TSHR: variants seen among roughly 807,000 people sequenced by gnomAD.
TSHR encodes thyrotropin receptor.
Under a neutral mutation model 64.1 loss-of-function variants are expected in TSHR, and 51 were observed. The ratio of observed to expected loss-of-function variants is 0.80; its 90% CI spans 0.64 to 1.01. TSHR has a LOEUF of 1.01. Ranked by LOEUF, TSHR falls within the 50% of genes least tolerant of loss-of-function variation. TSHR has a pLI of 0.00. For missense variants in TSHR, 877 were observed against 942.8 expected (o/e 0.93, Z 0.91); for synonymous variants, 361 against 361.9 (o/e 1.00, Z 0.03).
chr14:81,138,534 G>T (rs979067245), intron 8 of TSHR, among the ~76,000 whole-genome samples: 5 of 152,118 alleles, frequency 3.3e-5, no homozygotes, highest in African/African-American at 1.2e-4. Flanking sequence ...GAAAATGCTA[G>T]ATTATATATT....
chr14:80,998,329 G>A (rs1444750938), intron 1 of TSHR, among the ~76,000 whole-genome samples: 1 of 152,036 alleles, frequency 6.6e-6, no homozygotes, highest in African/African-American at 2.4e-5. Flanking sequence ...TAACACTGTG[G>A]TAGGTGCTGG....
At chr14:81,088,659 T>A (rs1294616277) in intron 4 of TSHR, among the ~76,000 whole-genome samples, 1 of 152,184 alleles carries the variant, frequency 6.6e-6, no homozygotes, top group African/African-American at 2.4e-5. Flanking sequence ...TCAGGCCCCC[T>A]GGATACCAGG....
chr14:81,104,732 C>T, intron 7 of TSHR: 2 of 985,380 alleles, frequency 2.0e-6, no homozygotes, highest in Non-Finnish European at 2.4e-6. Flanking sequence ...TTCCTGACTG[C>T]ATTGGTCTTC....
At chr14:81,063,391 C>T (rs1886377611) in intron 2 of TSHR, among the ~76,000 whole-genome samples, 1 of 152,264 alleles carries the variant, frequency 6.6e-6, no homozygotes, top group East Asian at 1.9e-4. Flanking sequence ...TTGGGCTGCA[C>T]TATTTCCTAA....
intron 1 of TSHR, among the ~76,000 whole-genome samples, chr14:81,003,994 T>C (rs911411729): frequency 1.3e-5 from 2 of 152,210 alleles, no homozygotes; most frequent in African/African-American, 4.8e-5. Context: ...CTTGACCTTT[T>C]TGCCCATAAC....
At chr14:81,017,401 A>G (rs1407709448) in intron 1 of TSHR, among the ~76,000 whole-genome samples, 1 of 152,174 alleles carries the variant, frequency 6.6e-6, no homozygotes, top group Non-Finnish European at 1.5e-5. Flanking sequence ...CAGTAACTCA[A>G]GGGCACCAGG....
chr14:80,985,933 C>G (rs1566749756), intron 1 of TSHR, among the ~76,000 whole-genome samples: 2 of 152,192 alleles, frequency 1.3e-5, no homozygotes, highest in African/African-American at 4.8e-5. Flanking sequence ...AATTCCAACT[C>G]TTCCTGTCAC....
Position 80,973,880 on chromosome 14 carries a change from T to A in TSHR, c.170+18030T>A, listed in dbSNP as rs1324733902. On this transcript the variant is annotated intron_variant, in intron 1 of 9. Coordinates refer to ENST00000298171, the MANE Select transcript of TSHR (RefSeq NM_000369.5). ...TCTTCACCTTATGTTTACCAGAGCT[T>A]ACTTCTCAGTTATTTTTCCCCAACC... Among the ~76,000 whole-genome samples, 3 of 152,170 alleles carry A rather than the reference T, an allele frequency of 2.0e-5. No homozygotes were observed. The South Asian group carries it at 6.2e-4, about 32-fold the overall frequency.
chr14:81,083,499 A>G (rs937815885), intron 3 of TSHR, among the ~76,000 whole-genome samples: 1 of 151,622 alleles, frequency 6.6e-6, no homozygotes, highest in Admixed American at 6.6e-5. Flanking sequence ...ATTTGAAGTC[A>G]TAAGTCCTAG....
chr14:81,012,232 T>C (rs933426084), intron 1 of TSHR: 4 of 151,702 alleles, frequency 2.6e-5, no homozygotes, highest in Admixed American at 2.0e-4. Context: ...AGAATGATGA[T>C]TTCCAATTTC....
intron 1 of TSHR, among the ~76,000 whole-genome samples, chr14:80,986,469 C>CTT (rs112848621): frequency 1.0e-4 from 15 of 144,220 alleles, no homozygotes; most frequent in East Asian, 7.8e-4. Flanking sequence ...TTCTGTCATT[C>CTT]TTTTTTTTGT....
rs972870880 is a variant in TSHR at position 81,143,799 on chromosome 14, G to T, written c.1741G>T (p.Ala581Ser). 1.2e-6 allele frequency: 2 copies of T among 1,613,822 alleles called. No homozygotes were observed. Among genetic ancestry groups the T allele is most frequent in the African/African-American group, 2.7e-5 (2 of 74,956 alleles). ...PMDTETPLAL[A>S]YIVFVLTLNI... Reference sequence around the variant, plus strand: ...GGACACCGAGACCCCTCTTGCTCTGGCATATATTGTTTTTGTTCTGACGCT... The same window carrying T: ...GGACACCGAGACCCCTCTTGCTCTGTCATATATTGTTTTTGTTCTGACGCT... Residue 581 changes from alanine to serine, a missense_variant, in exon 10 of 10, where the codon GCA (alanine) becomes TCA (serine). Coordinates refer to ENST00000298171, the MANE Select transcript of TSHR (RefSeq NM_000369.5).
chr14:81,009,100 G>A (rs1205760388), intron 1 of TSHR, among the ~76,000 whole-genome samples: 3 of 152,198 alleles, frequency 2.0e-5, no homozygotes, highest in Non-Finnish European at 4.4e-5. Flanking sequence ...AATCGCTTCA[G>A]TATTAATAAT....
chr14:81,035,491 T>G (rs1282490998), intron 1 of TSHR, among the ~76,000 whole-genome samples: 1 of 152,188 alleles, frequency 6.6e-6, no homozygotes, highest in African/African-American at 2.4e-5. Flanking sequence ...TTTCTTCCAA[T>G]GCCGAGGATG....
At chr14:81,042,278 T>A (rs1438021295) in intron 1 of TSHR, among the ~76,000 whole-genome samples, 2 of 152,136 alleles carry the variant, frequency 1.3e-5, no homozygotes, top group African/African-American at 4.8e-5. Flanking sequence ...TCCAGCAAGC[T>A]CACTATTGTG....
chr14:81,127,683 T>A (rs1372432018), intron 8 of TSHR, among the ~76,000 whole-genome samples: 2 of 152,170 alleles, frequency 1.3e-5, no homozygotes, highest in South Asian at 4.1e-4. Context: ...CAAAATCTGA[T>A]CGTTTTATAA....
chr14:81,029,867 C>T (rs1178411738), intron 1 of TSHR, among the ~76,000 whole-genome samples: 2 of 152,116 alleles, frequency 1.3e-5, no homozygotes, highest in African/African-American at 4.8e-5. Context: ...CAAGCCTCAG[C>T]GCTATAAAAA....
chr14:81,005,598 G>C (rs1452069397), intron 1 of TSHR, among the ~76,000 whole-genome samples: 1 of 152,104 alleles, frequency 6.6e-6, no homozygotes. Flanking sequence ...TCAAGCTGTG[G>C]TGTTGTCTGA....
intron 1 of TSHR, among the ~76,000 whole-genome samples, chr14:80,999,232 T>A (rs2139755116): frequency 6.6e-6 from 1 of 152,314 alleles, no homozygotes; most frequent in African/African-American, 2.4e-5. Context: ...TTTTGAAGAA[T>A]TCTGTTATTC....
Sources: allele counts gnomAD v4.1 joint callset (sites outside exome capture counted in the v4.1 genomes callset), GRCh38; gene constraint gnomAD v4.1.1; transcripts MANE v1.5; gene names NCBI Gene and HGNC (gene_info 2026-07-23, HGNC 2026-07-21).